SPHKAP: variants seen among roughly 807,000 people sequenced by gnomAD.
SPHKAP encodes the protein A-kinase anchor protein SPHKAP.
Under a neutral mutation model 137.5 loss-of-function variants are expected in SPHKAP, and 67 were observed. The observed-to-expected ratio is 0.49, with a 90% CI of 0.40 to 0.60. SPHKAP has a LOEUF of 0.60. SPHKAP is among the 20% of genes least tolerant of loss of function. SPHKAP has a pLI of 0.00. For missense variants in SPHKAP, 2,097 were observed against 2,069.3 expected, an observed-to-expected ratio of 1.01 and a Z score of -0.26; for synonymous variants, 813 against 785.3, an observed-to-expected ratio of 1.04 and a Z score of -0.59.
intron 3 of SPHKAP, among the ~76,000 whole-genome samples, chr2:228,039,372 A>T (rs979717647): frequency 1.3e-5 from 2 of 152,208 alleles, no homozygotes; most frequent in African/African-American, 4.8e-5. Flanking sequence ...TATGATTTTG[A>T]CTTTAATAAA....
chr2:228,069,454 T>C (rs1215712088), intron 3 of SPHKAP, among the ~76,000 whole-genome samples: 7 of 150,918 alleles, frequency 4.6e-5, no homozygotes, highest in African/African-American at 9.8e-5. Flanking sequence ...TCTTTCTTTT[T>C]TTTTTTTTTT....
intron 3 of SPHKAP, among the ~76,000 whole-genome samples, chr2:228,066,104 A>G (rs1437517454): frequency 2.6e-5 from 4 of 152,218 alleles, no homozygotes; most frequent in Non-Finnish European, 5.9e-5. Context: ...TTATGTCCTT[A>G]GAGACTAAGA....
Position 228,017,905 on chromosome 2 carries a change from T to C in SPHKAP, c.2949A>G (p.Lys983=). The C allele has an allele frequency of 6.2e-7, 1 of 1,614,164 alleles. No homozygotes were observed. Among genetic ancestry groups the C allele is most frequent in the South Asian group, 1.1e-5 (1 of 91,084 alleles). The change falls in exon 7 of 12, where the codon AAA becomes AAG. Residue 983 remains lysine, a synonymous_variant. Transcript: ENST00000392056. ...CAGCGGTCCCGCTCCCCTGGCTCTCTTTCTTCCTCTTCAAGGATCGGCAGG... is the reference window on the plus strand; with the variant it reads ...CAGCGGTCCCGCTCCCCTGGCTCTCCTTCTTCCTCTTCAAGGATCGGCAGG... ...NVPCRSLKRK[K]ESQGSGTAVR...
chr2:228,144,734 A>G (rs1450671164), intron 1 of SPHKAP, among the ~76,000 whole-genome samples: 1 of 152,194 alleles, frequency 6.6e-6, no homozygotes, highest in Non-Finnish European at 1.5e-5. Context: ...TGATTATTAA[A>G]TAATGCTTTC....
In SPHKAP at chr2:228,030,115, T is replaced by C. The variant is rs555978602; in HGVS notation, c.247-2572A>G. On this transcript the variant is annotated intron_variant, in intron 3 of 11. Coordinates refer to ENST00000392056, the MANE Select transcript of SPHKAP (RefSeq NM_001142644.2). ...AAAACAAAGCAAGACACAAACCAACTTCTTGCTTATACTTCTCATGCACAT... is the reference window on the plus strand; with the variant it reads ...AAAACAAAGCAAGACACAAACCAACCTCTTGCTTATACTTCTCATGCACAT... Among the ~76,000 whole-genome samples, 3 of 152,306 alleles carry C rather than the reference T, an allele frequency of 2.0e-5. No individual in the cohort carries two copies. The South Asian group carries it at 6.2e-4, about 32-fold the overall frequency.
intron 2 of SPHKAP, among the ~76,000 whole-genome samples, chr2:228,117,093 A>G (rs939655050): frequency 6.6e-6 from 1 of 152,104 alleles, no homozygotes; most frequent in Admixed American, 6.6e-5. Flanking sequence ...TGGAAGGTGC[A>G]TGCTTCCCAC....
At chr2:228,026,981 G>T (rs1574767366) in intron 4 of SPHKAP, among the ~76,000 whole-genome samples, 1 of 152,162 alleles carries the variant, frequency 6.6e-6, no homozygotes, top group African/African-American at 2.4e-5. Flanking sequence ...GTATCAGCAG[G>T]CTCTTGTTCC....
intron 3 of SPHKAP, among the ~76,000 whole-genome samples, chr2:228,075,541 G>T (rs2106307203): frequency 6.6e-6 from 1 of 152,136 alleles, no homozygotes; most frequent in South Asian, 2.1e-4. Context: ...AGTAAAATGG[G>T]ATGGCAAATT....
chr2:228,158,908 C>T (rs890187019), intron 1 of SPHKAP, among the ~76,000 whole-genome samples: 1 of 152,196 alleles, frequency 6.6e-6, no homozygotes, highest in South Asian at 2.1e-4. Flanking sequence ...CAATCAAATA[C>T]CAAATACTTC....
At chr2:228,114,746 T>G (rs1427706204) in intron 2 of SPHKAP, among the ~76,000 whole-genome samples, 1 of 152,150 alleles carries the variant, frequency 6.6e-6, no homozygotes, top group Non-Finnish European at 1.5e-5. Flanking sequence ...CTTCTTTTAT[T>G]TATAATTTGT....
chr2:228,099,604 A>G (rs1410725502), intron 3 of SPHKAP, among the ~76,000 whole-genome samples: 1 of 152,118 alleles, frequency 6.6e-6, no homozygotes, highest in African/African-American at 2.4e-5. Flanking sequence ...GAATCTATAG[A>G]CTGCTTTGGG....
In SPHKAP at chr2:228,018,262, C is replaced by T. The variant is rs752328841; in HGVS notation, c.2592G>A (p.Thr864=). Residue 864 remains threonine (T), a synonymous_variant, in exon 7 of 12, where the codon ACG becomes ACA. Coordinates refer to ENST00000392056, the MANE Select transcript of SPHKAP (RefSeq NM_001142644.2). ...RASSEGQRSP[T]VSQSRSGSQE... Reference sequence around the variant, plus strand: ...GGGAACCACTTCTGGACTGGCTGACCGTTGGGGACCTTTGTCCTTCGGAAG... The same window carrying T: ...GGGAACCACTTCTGGACTGGCTGACTGTTGGGGACCTTTGTCCTTCGGAAG... 18 of 1,613,992 alleles carry T rather than the reference C, an allele frequency of 1.1e-5. No individual in the cohort carries two copies. In the East Asian group the frequency reaches 2.0e-4, roughly 18 times the overall value.
At chr2:228,145,147 C>T (rs1281481928) in intron 1 of SPHKAP, among the ~76,000 whole-genome samples, 1 of 152,168 alleles carries the variant, frequency 6.6e-6, no homozygotes, top group South Asian at 2.1e-4. Flanking sequence ...AGCCAAACCT[C>T]TTGGAGCCGG....
chr2:228,012,384 G>T (rs1694421642), intron 7 of SPHKAP, among the ~76,000 whole-genome samples: 1 of 151,826 alleles, frequency 6.6e-6, no homozygotes, highest in African/African-American at 2.4e-5. Context: ...CATTTTTCGG[G>T]CTGGCTAGAT....
At chr2:228,150,859 T>A (rs886422282) in intron 1 of SPHKAP, among the ~76,000 whole-genome samples, 1 of 152,046 alleles carries the variant, frequency 6.6e-6, no homozygotes, top group Non-Finnish European at 1.5e-5. Context: ...CAAGCAATCC[T>A]CATACCTCAG....
intron 3 of SPHKAP, among the ~76,000 whole-genome samples, chr2:228,050,740 T>G (rs1055462316): frequency 6.6e-6 from 1 of 152,224 alleles, no homozygotes; most frequent in African/African-American, 2.4e-5. Flanking sequence ...TTATTTCTTC[T>G]ATCTAAGTGA....
intron 3 of SPHKAP, among the ~76,000 whole-genome samples, chr2:228,049,298 A>G (rs1696172020): frequency 6.6e-6 from 1 of 152,234 alleles, no homozygotes; most frequent in African/African-American, 2.4e-5. Flanking sequence ...AAATCTTTTA[A>G]ATAACTATGT....
intron 11 of SPHKAP, among the ~76,000 whole-genome samples, chr2:227,988,092 A>G (rs1445931867): frequency 6.6e-6 from 1 of 152,220 alleles, no homozygotes. Flanking sequence ...TGGCCATTTA[A>G]CTACCTGGCT....
intron 7 of SPHKAP, among the ~76,000 whole-genome samples, chr2:228,002,791 GCCAGTTTTCCCAGCA>G (rs1264506316): frequency 2.0e-5 from 3 of 152,180 alleles, no homozygotes; most frequent in African/African-American, 7.2e-5. Flanking sequence ...CATATGGCTA[GCCAGTTTTCCCAGCA>G]CCATTTGTTA....
Sources: gnomAD v4.1 joint callset for allele counts (sites outside exome capture counted in the v4.1 genomes callset) on GRCh38, gnomAD v4.1.1 for gene constraint, MANE v1.5 for transcripts, NCBI Gene and HGNC (gene_info 2026-07-23, HGNC 2026-07-21) for gene names.